Variants in DNAH2 observed in about 807,000 individuals in gnomAD.
DNAH2 encodes axonemal beta dynein heavy chain 2.
Under a neutral mutation model 523.5 loss-of-function variants are expected in DNAH2, and 323 were observed. The observed-to-expected ratio is 0.62, with a 90% CI of 0.56 to 0.68. DNAH2 has a LOEUF of 0.68. DNAH2 is among the 30% of genes least tolerant of loss of function. The probability of loss-of-function intolerance (pLI) is 0.00; values close to 1 mark genes in which losing one functional copy is unlikely to be tolerated. For missense variants in DNAH2, 4,907 were observed against 5,701.5 expected (o/e 0.86, Z 4.49); for synonymous variants, 2,093 against 2,177.4 (o/e 0.96, Z 1.08).
rs1186266309 is a variant in DNAH2, at chr17:7,832,959, C to T, written c.12978+31C>T. On this transcript the variant is annotated intron_variant, in intron 84 of 85. Transcript: ENST00000572933. The surrounding 1 kb of genome is among the most constrained non-coding windows in gnomAD (Gnocchi z 4.3). The stretch of plus-strand genomic sequence containing the variant: ...AGCCAGTTGTGCTTGGGGCTCTGAG[C>T]AAAAGAGGGTACTGGAAATAATTGG... 6.2e-7 allele frequency: 1 copy of T among 1,613,882 alleles called. No individual in the cohort carries two copies. The highest frequency in any genetic ancestry group is 8.5e-7 in the Non-Finnish European group (1 of 1,179,908).
Position 7,733,111 on chromosome 17 carries a change from A to G in DNAH2, c.424A>G (p.Ile142Val), listed in dbSNP as rs1265917978. 5.6e-6 allele frequency: 9 copies of G among 1,614,016 alleles called. No homozygotes were observed. The highest frequency in any genetic ancestry group is 3.3e-5 in the South Asian group (3 of 91,082). The change falls in exon 5 of 86, where the codon ATT becomes GTT. Residue 142 changes from isoleucine (I) to valine (V), a missense_variant. Ile to Val is a conservative substitution (Grantham distance 29). Coordinates refer to ENST00000572933, the MANE Select transcript of DNAH2 (RefSeq NM_020877.5). The part of the protein sequence containing the change: ...VQTQNQLVYF[I>V]RQAPVPITWE... Reference sequence around the variant, plus strand: ...GACCCAGAACCAGCTTGTCTACTTCATTCGCCAAGCACCAGTTCCCATCAC... The same window carrying G: ...GACCCAGAACCAGCTTGTCTACTTCGTTCGCCAAGCACCAGTTCCCATCAC...
In DNAH2 at chr17:7,766,424, C is replaced by A. The variant is rs2076169037; in HGVS notation, c.3618C>A (p.Asn1206Lys). ...MREEENSLRANLGIFKIEQPP... is the reference protein window; with the variant it reads ...MREEENSLRAKLGIFKIEQPP... ...AAGAGGAAAATAGTCTCCGAGCCAA[C>A]CTGGGCATCTTCAAGATCGAGCAGC... The change falls in exon 22 of 86, where the codon AAC becomes AAA. Residue 1206 changes from asparagine (N) to lysine (K), a missense_variant. By Grantham distance (94) the Asn-to-Lys change is moderately conservative. Coordinates refer to ENST00000572933, the MANE Select transcript of DNAH2 (RefSeq NM_020877.5). 6.2e-7 allele frequency: 1 copy of A among 1,613,880 alleles called. No individual in the cohort carries two copies. The highest frequency in any genetic ancestry group is 1.3e-5 in the African/African-American group (1 of 74,860).
In DNAH2 at chr17:7,824,495, G is replaced by A. The variant is rs555479678; in HGVS notation, c.11663-42G>A. On this transcript the variant is annotated intron_variant, in intron 76 of 85. Transcript: ENST00000572933. ...GGTGGAAAGCATGAGGACAGGCAGGGCTTAGGAAATGATTCCCACTGACCC... is the reference window on the plus strand; with the variant it reads ...GGTGGAAAGCATGAGGACAGGCAGGACTTAGGAAATGATTCCCACTGACCC... The A allele has an allele frequency of 2.7e-6, 4 of 1,488,616 alleles. No homozygotes were observed. In the South Asian group the frequency reaches 4.1e-5, roughly 15 times the overall value. The allele number at this position is 1,488,616 out of a possible 1,614,324, so 92.2% of individuals were successfully genotyped here.
At position 7,770,887 on chromosome 17, in the gene DNAH2, T is replaced by A; in HGVS notation, c.4316T>A (p.Val1439Asp). 6.2e-7 allele frequency: 1 copy of A among 1,614,130 alleles called. No individual in the cohort carries two copies. The highest frequency in any genetic ancestry group is 8.5e-7 in the Non-Finnish European group (1 of 1,180,030). Residue 1439 changes from valine to aspartate, a missense_variant, in exon 27 of 86, where the codon GTT becomes GAT. Physicochemically the swap from Val to Asp is radical, Grantham distance 152. Transcript: ENST00000572933. ...CGCTGCCTCTCCCTCATTTTGGAGG[T>A]TATTGAGATGATTCTCACAGTGCAG... is the stretch of plus-strand genomic sequence containing the variant. Reference protein sequence around the residue: ...WERCLSLILEVIEMILTVQRQ... With the variant: ...WERCLSLILEDIEMILTVQRQ...
rs1235454099 is a variant in DNAH2 at position 7,769,454 on chromosome 17, GC to G, written c.3942-795del. Among the ~76,000 whole-genome samples the G allele has an allele frequency of 1.6e-4, 24 of 152,322 alleles. No individual in the cohort carries two copies. In the East Asian group the frequency reaches 4.6e-3, roughly 29 times the overall value. On this transcript the variant is annotated intron_variant, in intron 24 of 85. Transcript: ENST00000572933. ...TGGGATTACAGGCATGAGCCACCGT[GC>G]CCGTCCCGCCTTATGTCTTTTGTTA...
chr17:7,800,016 A>G (rs1303909836), intron 56 of DNAH2, among the ~76,000 whole-genome samples: 1 of 152,128 alleles, frequency 6.6e-6, no homozygotes, highest in Non-Finnish European at 1.5e-5. Flanking sequence ...CTGACATCAG[A>G]TGCCTCACAT....
intron 20 of DNAH2, 62 bp downstream of exon 20, chr17:7,764,335 C>T: frequency 4.5e-6 from 7 of 1,543,560 alleles, no homozygotes; most frequent in Non-Finnish European, 6.1e-6. Flanking sequence ...GCGGGGGAGG[C>T]CCTTGGCTGT....
intron 39 of DNAH2, among the ~76,000 whole-genome samples, chr17:7,784,448 T>C (rs1465723314): frequency 6.6e-6 from 1 of 152,108 alleles, no homozygotes; most frequent in Non-Finnish European, 1.5e-5. Context: ...GAGGCCAAGG[T>C]GGGAGGATTA....
intron 4 of DNAH2, among the ~76,000 whole-genome samples, chr17:7,729,499 C>T (rs1359814417): frequency 2.0e-5 from 3 of 152,232 alleles, no homozygotes; most frequent in African/African-American, 4.8e-5. Context: ...GGCGCAATCT[C>T]GGCTCACTGC....
intron 22 of DNAH2, among the ~76,000 whole-genome samples, chr17:7,767,612 T>C (rs1441782470): frequency 1.4e-5 from 2 of 147,772 alleles, no homozygotes; most frequent in Non-Finnish European, 3.0e-5. Context: ...TATTTACCTT[T>C]TTTTTTTTTT....
At chr17:7,739,628 C>T (rs762093913) in intron 8 of DNAH2, 105 bp from the exon 9 acceptor site, 2 of 1,018,546 alleles carry the variant, frequency 2.0e-6, no homozygotes, top group Non-Finnish European at 1.4e-6. Context: ...TTTCACTTGC[C>T]ATCACTCACA....
In DNAH2 at chr17:7,740,549, G is replaced by A. The variant is rs763168639; in HGVS notation, c.1506G>A (p.Glu502=). The A allele has an allele frequency of 6.2e-7, 1 of 1,613,180 alleles. No individual in the cohort carries two copies. Among genetic ancestry groups the A allele is most frequent in the Non-Finnish European group, 8.5e-7 (1 of 1,179,914 alleles). Residue 502 remains glutamate, a splice_region_variant and synonymous_variant, in exon 10 of 86, where the codon GAG becomes GAA. Transcript: ENST00000572933. ...CCTTCCACAGGCTTGCCTCCCGCGA[G>A]GTGCGGCTGCCCCGCGGCTTCCTCG... is the stretch of plus-strand genomic sequence containing the variant. ...LDTFHRLASR[E]AIKRTYDKKA...
In DNAH2 at chr17:7,805,057, C is replaced by T; in HGVS notation, c.9283C>T (p.Leu3095=). The T allele has an allele frequency of 6.2e-7, 1 of 1,614,066 alleles. No homozygotes were observed. ...QKDLEEALPA[L]EEAMRALESL... ...AGATCTAGAAGAGGCACTGCCCGCC[C>T]TGGAAGAGGCCATGCGGGTACCAGG... The change falls in exon 60 of 86, where the codon CTG becomes TTG. Residue 3095 remains leucine (L), a synonymous_variant. Coordinates refer to ENST00000572933, the MANE Select transcript of DNAH2 (RefSeq NM_020877.5).
At chr17:7,770,116 G>C (rs1208171984) in intron 24 of DNAH2, 136 bp from the exon 25 acceptor site, 2 of 1,188,634 alleles carry the variant, frequency 1.7e-6, no homozygotes, top group Non-Finnish European at 2.3e-6. Flanking sequence ...GCCTAAGATT[G>C]CATCTTCGAG....
At chr17:7,759,271 C>A in intron 15 of DNAH2, 147 bp downstream of exon 15, 1 of 1,428,318 alleles carries the variant, frequency 7.0e-7, no homozygotes, top group Non-Finnish European at 9.4e-7. Context: ...ACTCAGCCAA[C>A]CTTCAGTCCT....
chr17:7,765,483 G>A lies in DNAH2; in HGVS notation c.3429G>A (p.Glu1143=). 1 of 1,614,268 alleles carries A rather than the reference G, an allele frequency of 6.2e-7. No individual in the cohort carries two copies. Among genetic ancestry groups the A allele is most frequent in the Non-Finnish European group, 8.5e-7 (1 of 1,180,052 alleles). Residue 1143 remains glutamate (E), a synonymous_variant, in exon 21 of 86, where the codon GAG becomes GAA. Transcript: ENST00000572933. ...AGCAAATGCTGAAGAAACACAAGGA[G>A]AAATTCAAGACAGGCCTGATCCACT... ...DSKQMLKKHK[E]KFKTGLIHSA...
chr17:7,828,125 G>A lies in DNAH2; in HGVS notation c.11854-2175G>A, dbSNP rs1261999285. Among the ~76,000 whole-genome samples the A allele has an allele frequency of 6.6e-6, 1 of 151,682 alleles. No homozygotes were observed. The highest frequency in any genetic ancestry group is 6.6e-5 in the Admixed American group (1 of 15,260). On this transcript the variant is annotated intron_variant, in intron 77 of 85. Coordinates refer to ENST00000572933, the MANE Select transcript of DNAH2 (RefSeq NM_020877.5). The surrounding 1 kb of genome is among the most constrained non-coding windows in gnomAD (Gnocchi z 4.1). ...GTAGAGACTGGATTTCACCATGTTG[G>A]CCAGGCTGGTCTTGGACTCCTGGAC...
chr17:7,799,287 C>G (rs753725149), intron 56 of DNAH2, 45 bp downstream of exon 56: 97 of 1,605,366 alleles, frequency 6.0e-5, no homozygotes, highest in Admixed American at 5.2e-4. Context: ...TGTGTGCTCC[C>G]TCACCCTGCT....
chr17:7,823,349 G>C, intron 73 of DNAH2, 93 bp from the exon 74 acceptor site: 2 of 1,047,838 alleles, frequency 1.9e-6, no homozygotes, highest in Non-Finnish European at 2.6e-6. Flanking sequence ...GAAAAATACA[G>C]AGAGAGAGAG....
Sources: gnomAD v4.1 joint callset for allele counts (sites outside exome capture counted in the v4.1 genomes callset) on GRCh38, gnomAD v4.1.1 for gene constraint, Gnocchi (gnomAD v3.1) non-coding constraint, MANE v1.5 for transcripts, NCBI Gene and HGNC (gene_info 2026-07-23, HGNC 2026-07-21) for gene names.